GSTM4: variants seen among roughly 807,000 people sequenced by gnomAD.
GSTM4 encodes glutathione S-transferase mu 4.
In GSTM4, 27 loss-of-function variants were observed where a neutral mutation model predicts 30.1. The ratio of observed to expected loss-of-function variants is 0.90; its 90% CI spans 0.66 to 1.24. The LOEUF (loss-of-function observed/expected upper bound fraction) is 1.24. Ranked by LOEUF, GSTM4 falls within the 50% of genes most tolerant of loss-of-function variation. The pLI, the probability that GSTM4 is intolerant of heterozygous loss-of-function variation, is 0.00. For synonymous variants in GSTM4, 94 were observed against 96.2 expected (o/e 0.98, Z 0.13); for missense variants, 238 against 272.1 (o/e 0.87, Z 0.88).
chr1:109,656,787 G>T lies in GSTM4; in HGVS notation c.112G>T (p.Ala38Ser). ...GGAAAAGAAGTATACGATGGGGGAC[G>T]GTAATGACACCCTTGTGTCCGGGCT... The part of the protein sequence containing the change: ...YEEKKYTMGD[A>S]PDYDRSQWLN... Residue 38 changes from alanine (A) to serine (S), a missense_variant and splice_region_variant, in exon 2 of 8, where the codon GCT (alanine) becomes TCT (serine). Transcript: ENST00000369836. The T allele has an allele frequency of 6.2e-7, 1 of 1,612,610 alleles. No individual in the cohort carries two copies. Among genetic ancestry groups the T allele is most frequent in the Non-Finnish European group, 8.5e-7 (1 of 1,178,628 alleles).
At chr1:109,657,525 A>G in intron 3 of GSTM4, 65 bp from the exon 4 acceptor site, 1 of 1,608,708 alleles carries the variant, frequency 6.2e-7, no homozygotes, top group Non-Finnish European at 8.5e-7. Context: ...GCCCTTGCAT[A>G]TGGGAAGGGG....
chr1:109,660,757 A>C (rs191048382), intron 7 of GSTM4: 79 of 205,810 alleles, frequency 3.8e-4, no homozygotes, highest in African/African-American at 1.7e-3. Flanking sequence ...GAGAGACAGA[A>C]CCAGTCTACG....
At position 109,658,463 on chromosome 1, in the gene GSTM4, T is replaced by C. The variant is rs1652136718; in HGVS notation, c.361-351T>C. 4 of 280,120 alleles carry C rather than the reference T, an allele frequency of 1.4e-5. No homozygotes were observed. The Admixed American group carries it at 1.9e-4, about 14-fold the overall frequency. The allele number at this position is 280,120 out of a possible 1,614,324, so 17.4% of individuals were successfully genotyped here. ...CACTAGGAGGAACTTTCAACTTCTT[T>C]CTCTGAGCTCCTTTAGTTCTTTGTA... On this transcript the variant is annotated intron_variant, in intron 5 of 7. Coordinates refer to ENST00000369836, the MANE Select transcript of GSTM4 (RefSeq NM_000850.5).
intron 7 of GSTM4, chr1:109,660,355 A>C (rs187749260): frequency 1.3e-5 from 2 of 153,848 alleles, no homozygotes; most frequent in Admixed American, 1.3e-4. Context: ...AAGATCGTGC[A>C]GAGCACACCT....
chr1:109,656,187 C>G lies in GSTM4; in HGVS notation c.-203C>G. The G allele has an allele frequency of 1.6e-6, 1 of 614,074 alleles. No homozygotes were observed. Among genetic ancestry groups the G allele is most frequent in the Non-Finnish European group, 3.0e-6 (1 of 331,382 alleles). The allele number at this position is 614,074 out of a possible 1,614,324, so 38.0% of individuals were successfully genotyped here. ...CCAGTGAGGATCCAGCAACCTGCTCCGTGCCTCCCGCGCCTGTTGGTTGGA... is the reference window on the plus strand; with the variant it reads ...CCAGTGAGGATCCAGCAACCTGCTCGGTGCCTCCCGCGCCTGTTGGTTGGA... On this transcript the variant is annotated 5_prime_UTR_variant, in exon 1 of 8. Coordinates refer to ENST00000369836, the MANE Select transcript of GSTM4 (RefSeq NM_000850.5).
At chr1:109,657,920 C>A in intron 5 of GSTM4, 48 bp downstream of exon 5, 1 of 1,513,272 alleles carries the variant, frequency 6.6e-7, no homozygotes, top group Middle Eastern at 1.7e-4. Context: ...GTATTCCCAT[C>A]TACTCTGGTC....
chr1:109,661,818 C>T, downstream of GSTM4: 1 of 535,356 alleles, frequency 1.9e-6, no homozygotes, highest in Non-Finnish European at 2.4e-6. Flanking sequence ...TTATGATGGG[C>T]TTAGTAAGGT....
chr1:109,665,690 A>G (rs1274440059), downstream of GSTM4, among the ~76,000 whole-genome samples: 1 of 152,196 alleles, frequency 6.6e-6, no homozygotes, highest in African/African-American at 2.4e-5. Flanking sequence ...TTCTATATGG[A>G]AAGCACTTTC....
chr1:109,660,521 C>G (rs1557953758), intron 7 of GSTM4: 2 of 154,078 alleles, frequency 1.3e-5, no homozygotes, highest in Non-Finnish European at 2.9e-5. Context: ...GCTGGTCCAA[C>G]ACACCTTGAC....
chr1:109,657,940 A>G lies in GSTM4; in HGVS notation c.360+68A>G, dbSNP rs1652113129. On this transcript the variant is annotated intron_variant, in intron 5 of 7. Transcript: ENST00000369836. ...CCCATCTACTCTGGTCCTATTCACA[A>G]TTTGAACTCCTCACTGCTATTGATC... 6.0e-6 allele frequency: 8 copies of G among 1,336,414 alleles called. No homozygotes were observed. In the East Asian group the frequency reaches 1.6e-4, roughly 27 times the overall value. 82.8% of individuals were successfully genotyped at this position (1,336,414 alleles called of 1,614,324 possible).
intron 7 of GSTM4, chr1:109,660,778 G>A: frequency 4.1e-6 from 1 of 246,204 alleles, no homozygotes; most frequent in Non-Finnish European, 7.9e-6. Context: ...TTGCAGCTCT[G>A]TCCCCCTTAG....
At position 109,658,808 on chromosome 1, in the gene GSTM4, C is replaced by T; in HGVS notation, c.361-6C>T. 1 of 1,605,332 alleles carries T rather than the reference C, an allele frequency of 6.2e-7. No individual in the cohort carries two copies. Among genetic ancestry groups the T allele is most frequent in the Non-Finnish European group, 8.5e-7 (1 of 1,171,988 alleles). ...TGAGGGTGGTGACAGCTGTTTTCTG[C>T]CTCAGGAGAAACTGAAGCCAGAATA... On this transcript the variant is annotated splice_polypyrimidine_tract_variant and splice_region_variant and intron_variant, in intron 5 of 7. Transcript: ENST00000369836.
At position 109,661,403 on chromosome 1, in the gene GSTM4, G is replaced by C. The variant is rs1063581; in HGVS notation, c.*149G>C. The C allele has an allele frequency of 5.2e-3, 7,796 of 1,513,690 alleles. 349 individuals carry two copies. In the African/African-American group the frequency reaches 0.084, roughly 16 times the overall value. The allele number at this position is 1,513,690 out of a possible 1,614,324, so 93.8% of individuals were successfully genotyped here. On this transcript the variant is annotated 3_prime_UTR_variant, in exon 8 of 8. Transcript: ENST00000369836. Reference sequence around the variant, plus strand: ...ATCTTTACCCCCAAGACTTTATTGGGCCTCTTCACTTCCCCTAAACCCCTG... The same window carrying C: ...ATCTTTACCCCCAAGACTTTATTGGCCCTCTTCACTTCCCCTAAACCCCTG...
chr1:109,657,995 T>A lies in GSTM4; in HGVS notation c.360+123T>A, dbSNP rs1652115180. 3 of 757,040 alleles carry A rather than the reference T, an allele frequency of 4.0e-6. No homozygotes were observed. In the South Asian group the frequency reaches 5.0e-5, roughly 13 times the overall value. The allele number at this position is 757,040 out of a possible 1,614,324, so 46.9% of individuals were successfully genotyped here. On this transcript the variant is annotated intron_variant, in intron 5 of 7. Coordinates refer to ENST00000369836, the MANE Select transcript of GSTM4 (RefSeq NM_000850.5). The stretch of plus-strand genomic sequence containing the variant: ...GAGGGTTCCCTGTACTGTAGCAGAG[T>A]GACTGTCATATCATTAAACTTATAA...
At chr1:109,656,527 C>T in intron 1 of GSTM4, 102 bp downstream of exon 1, 2 of 1,317,854 alleles carry the variant, frequency 1.5e-6, no homozygotes, top group Non-Finnish European at 2.2e-6. Flanking sequence ...AGGGCTATCT[C>T]TCACAGGAGG....
At chr1:109,659,365 G>T in intron 7 of GSTM4, 1 of 1,486,978 alleles carries the variant, frequency 6.7e-7, no homozygotes, top group Non-Finnish European at 8.9e-7. Flanking sequence ...CTTTGTTCTG[G>T]GTCCCAGAGC....
intron 7 of GSTM4, chr1:109,660,609 C>T (rs1652264066): frequency 6.3e-6 from 1 of 159,176 alleles, no homozygotes; most frequent in Non-Finnish European, 1.4e-5. Flanking sequence ...TTTCAGAGGT[C>T]CCCTCTGTGT....
In GSTM4 at chr1:109,659,825, A is replaced by G. The variant is rs933806684; in HGVS notation, c.567+715A>G. ...GTTCCCCCTGTGAGATGAGTAGCAC[A>G]CTGATTTTACTGCTATTCACCGACC... On this transcript the variant is annotated intron_variant, in intron 7 of 7. Transcript: ENST00000369836. The G allele has an allele frequency of 3.3e-4, 202 of 615,748 alleles. 7 individuals are homozygous for G. The highest frequency in any genetic ancestry group is 4.8e-4 in the Non-Finnish European group (165 of 347,012). 38.1% of individuals were successfully genotyped at this position (615,748 alleles called of 1,614,324 possible).
chr1:109,660,668 T>G, intron 7 of GSTM4: 1 of 169,316 alleles, frequency 5.9e-6, no homozygotes, highest in East Asian at 1.7e-4. Context: ...AGGAGAATGT[T>G]GTGTAGTCAG....
Sources: gnomAD v4.1 joint callset for allele counts (sites outside exome capture counted in the v4.1 genomes callset) on GRCh38, gnomAD v4.1.1 for gene constraint, MANE v1.5 for transcripts, NCBI Gene and HGNC (gene_info 2026-07-23, HGNC 2026-07-21) for gene names.